The following HSD11B1 variants were observed in gnomAD, a reference collection of about 807,000 sequenced individuals.
HSD11B1 encodes the protein hydroxysteroid 11-beta dehydrogenase 1.
A neutral mutation model predicts 22.1 loss-of-function variants in HSD11B1; 15 were observed. The observed-to-expected ratio is 0.68, with a 90% CI of 0.45 to 1.04. HSD11B1 has a LOEUF of 1.04. Ranked by LOEUF, HSD11B1 falls within the 50% of genes least tolerant of loss-of-function variation. HSD11B1 has a pLI of 0.00. For synonymous variants in HSD11B1, 122 were observed against 125.2 expected (o/e 0.97, Z 0.17); for missense variants, 281 against 357.6 (o/e 0.79, Z 1.73).
chr1:209,697,884 C>CTTATTTTTTTTTTTTTTTTTTTTTTTTT, intron 1 of HSD11B1, among the ~76,000 whole-genome samples: 1 of 41,586 alleles, frequency 2.4e-5, no homozygotes, highest in Non-Finnish European at 4.5e-5. Flanking sequence ...TTGTTTTTTC[C>CTTATTTTTTTTTTTTTTTTTTTTTTTTT]TTTTTTTTTT....
chr1:209,720,710 A>G (rs1215522989), intron 4 of HSD11B1, among the ~76,000 whole-genome samples: 2 of 152,058 alleles, frequency 1.3e-5, no homozygotes, highest in African/African-American at 4.8e-5. Context: ...ATGATCCTCA[A>G]TTGGATCCTT....
upstream of HSD11B1, among the ~76,000 whole-genome samples, chr1:209,700,820 T>G (rs1181904878): frequency 6.6e-6 from 1 of 152,172 alleles, no homozygotes; most frequent in Non-Finnish European, 1.5e-5. Context: ...AAAACCTCTC[T>G]CAAGTTCAAA....
At chr1:209,699,784 C>T (rs530787014) in intron 1 of HSD11B1, among the ~76,000 whole-genome samples, 2 of 152,308 alleles carry the variant, frequency 1.3e-5, no homozygotes, top group South Asian at 4.1e-4. Context: ...AAGCTAGTTA[C>T]TTCTTAGATA....
At chr1:209,699,800 G>A (rs1164013481) in intron 1 of HSD11B1, among the ~76,000 whole-genome samples, 1 of 152,202 alleles carries the variant, frequency 6.6e-6, no homozygotes, top group Non-Finnish European at 1.5e-5. Flanking sequence ...AGATACAATA[G>A]GGGTACAGGT....
chr1:209,689,238 A>C (rs1558184103), intron 1 of HSD11B1, among the ~76,000 whole-genome samples: 1 of 151,782 alleles, frequency 6.6e-6, no homozygotes, highest in Non-Finnish European at 1.5e-5. Flanking sequence ...CTCTCCACCC[A>C]CCCTACCCCA....
chr1:209,694,215 G>A (rs2076777589), intron 1 of HSD11B1, among the ~76,000 whole-genome samples: 1 of 152,090 alleles, frequency 6.6e-6, no homozygotes, highest in Admixed American at 6.5e-5. Flanking sequence ...ATACCTACCA[G>A]ACATCTGTAT....
chr1:209,692,918 A>C (rs1172988648), intron 1 of HSD11B1, among the ~76,000 whole-genome samples: 1 of 152,172 alleles, frequency 6.6e-6, no homozygotes, highest in East Asian at 1.9e-4. Context: ...GGAGCAAGGG[A>C]ATCAGTTTAC....
intron 1 of HSD11B1, among the ~76,000 whole-genome samples, chr1:209,694,501 C>T (rs2076779236): frequency 2.0e-5 from 3 of 152,152 alleles, no homozygotes. Context: ...AGAGCAGTAC[C>T]TGAATGATAA....
chr1:209,718,476 T>C (rs1182545016), intron 4 of HSD11B1, among the ~76,000 whole-genome samples: 1 of 152,154 alleles, frequency 6.6e-6, no homozygotes, highest in Non-Finnish European at 1.5e-5. Flanking sequence ...ATGCTAAACA[T>C]CATTAATCAT....
chr1:209,717,181 C>T (rs77323601), intron 4 of HSD11B1, among the ~76,000 whole-genome samples: 2,576 of 152,040 alleles, frequency 0.017, 93 homozygotes, highest in African/African-American at 0.058. Context: ...CCAGAATATA[C>T]AAGGTACTCA....
intron 4 of HSD11B1, among the ~76,000 whole-genome samples, chr1:209,712,735 A>T (rs76879183): frequency 0.016 from 2,430 of 152,254 alleles, 86 homozygotes; most frequent in African/African-American, 0.056. Context: ...GTAATTTGGA[A>T]ATATGTACCA....
intron 4 of HSD11B1, among the ~76,000 whole-genome samples, chr1:209,726,279 A>T (rs1386812542): frequency 5.2e-3 from 3 of 578 alleles, no homozygotes; most frequent in South Asian, 0.17. Context: ...GACTCCGTAA[A>T]AAAAAAAAAA....
chr1:209,692,802 A>G (rs1352204492), intron 1 of HSD11B1, among the ~76,000 whole-genome samples: 3 of 152,176 alleles, frequency 2.0e-5, no homozygotes, highest in Admixed American at 6.5e-5. Context: ...AGCCAGACTC[A>G]ACAGGATTTG....
At chr1:209,719,388 T>C (rs1314626862) in intron 4 of HSD11B1, among the ~76,000 whole-genome samples, 1 of 152,180 alleles carries the variant, frequency 6.6e-6, no homozygotes, top group African/African-American at 2.4e-5. Flanking sequence ...GTGAAAGTTA[T>C]ACAAAGTTGA....
At chr1:209,711,559 C>A (rs970129014) in intron 4 of HSD11B1, among the ~76,000 whole-genome samples, 2 of 151,866 alleles carry the variant, frequency 1.3e-5, no homozygotes, top group African/African-American at 4.8e-5. Context: ...TGGGGAGTGG[C>A]GATGGCTGCA....
At chr1:209,705,113 T>A in intron 1 of HSD11B1, 83 bp downstream of exon 1, 1 of 1,059,968 alleles carries the variant, frequency 9.4e-7, no homozygotes, top group Non-Finnish European at 1.5e-6. Context: ...CCAAGATGTG[T>A]TCTTGATCCT....
At chr1:209,728,074 C>T (rs975640159) in intron 4 of HSD11B1, among the ~76,000 whole-genome samples, 5 of 152,212 alleles carry the variant, frequency 3.3e-5, no homozygotes, top group African/African-American at 9.6e-5. Flanking sequence ...CCATGGCAAG[C>T]ATTTCTAGTA....
intron 1 of HSD11B1, among the ~76,000 whole-genome samples, chr1:209,692,075 T>TAAA (rs79594859): frequency 1.5e-5 from 2 of 137,210 alleles, no homozygotes; most frequent in Admixed American, 1.5e-4. Context: ...CTAGTTTATT[T>TAAA]AAAAAAAAAA....
intron 1 of HSD11B1, among the ~76,000 whole-genome samples, chr1:209,694,382 C>A (rs2076778493): frequency 6.6e-6 from 1 of 152,188 alleles, no homozygotes; most frequent in South Asian, 2.1e-4. Flanking sequence ...GAAAGGCAGA[C>A]AGTGAATGGC....
Sources: gnomAD v4.1 joint callset for allele counts (sites outside exome capture counted in the v4.1 genomes callset) on GRCh38, gnomAD v4.1.1 for gene constraint, MANE v1.5 for transcripts, NCBI Gene and HGNC (gene_info 2026-07-23, HGNC 2026-07-21) for gene names.